The following NKAIN3 variants were observed in gnomAD, a reference collection of about 807,000 sequenced individuals.
NKAIN3 encodes sodium/potassium transporting ATPase interacting 3, also known as sodium/potassium-transporting ATPase subunit beta-1-interacting protein 3.
NKAIN3 carries 25 observed loss-of-function variants against 30.2 expected under a neutral mutation model. The observed-to-expected ratio is 0.83, with a 90% CI of 0.60 to 1.16. The LOEUF (loss-of-function observed/expected upper bound fraction) is 1.16, where lower values mean the gene tolerates loss of function less well. NKAIN3 is among the 50% of genes most tolerant of loss of function. NKAIN3 has a pLI of 0.00. For synonymous variants in NKAIN3, 91 were observed against 89.6 expected, an observed-to-expected ratio of 1.02 and a Z score of -0.09; for missense variants, 225 against 254.1, an observed-to-expected ratio of 0.89 and a Z score of 0.78.
intron 4 of NKAIN3, among the ~76,000 whole-genome samples, chr8:62,770,871 G>A (rs78305563): frequency 0.031 from 4,703 of 152,028 alleles, 100 homozygotes; most frequent in Non-Finnish European, 0.05. Flanking sequence ...CAAAGCAAAC[G>A]AGTAACAACT....
chr8:62,899,640 G>T (rs1821540235), intron 4 of NKAIN3, among the ~76,000 whole-genome samples: 1 of 152,112 alleles, frequency 6.6e-6, no homozygotes, highest in African/African-American at 2.4e-5. Context: ...TATAAAAAAA[G>T]AAGTTACAAA....
chr8:62,858,298 CTT>C lies in NKAIN3; in HGVS notation c.472-60153_472-60152del, dbSNP rs546041684. Reference sequence around the variant, plus strand: ...TGCAGTTGTAAGAGGTACCTGAAGACTTTGTTTGGGAGGTCTCACCCAGTCAG... The same window carrying C: ...TGCAGTTGTAAGAGGTACCTGAAGACTGTTTGGGAGGTCTCACCCAGTCAG... On this transcript the variant is annotated intron_variant, in intron 4 of 6. Transcript: ENST00000623646. Among the ~76,000 whole-genome samples, 19 of 152,222 alleles carry C rather than the reference CTT, an allele frequency of 1.2e-4. No individual in the cohort carries two copies. The East Asian group carries it at 2.9e-3, about 23-fold the overall frequency.
At chr8:62,937,450 T>C (rs1822820015) in intron 5 of NKAIN3, among the ~76,000 whole-genome samples, 1 of 152,078 alleles carries the variant, frequency 6.6e-6, no homozygotes, top group Non-Finnish European at 1.5e-5. Context: ...TAACCTTACC[T>C]AGAGCTGAAA....
intron 5 of NKAIN3, among the ~76,000 whole-genome samples, chr8:62,947,489 G>A (rs1171827982): frequency 6.6e-6 from 1 of 152,200 alleles, no homozygotes; most frequent in Non-Finnish European, 1.5e-5. Context: ...GTTAGCCATT[G>A]TAGAAGAATT....
intron 1 of NKAIN3, among the ~76,000 whole-genome samples, chr8:62,352,136 C>A (rs1364631666): frequency 1.3e-5 from 2 of 152,104 alleles, no homozygotes; most frequent in African/African-American, 4.8e-5. Flanking sequence ...ATGTTATTAG[C>A]CCAAATTAGA....
chr8:62,453,346 A>G (rs774013706), intron 1 of NKAIN3, among the ~76,000 whole-genome samples: 46 of 152,310 alleles, frequency 3.0e-4, no homozygotes, highest in Admixed American at 5.2e-4. Context: ...TGAGAAAAAG[A>G]TACAACATAT....
intron 1 of NKAIN3, among the ~76,000 whole-genome samples, chr8:62,578,509 C>T (rs988439680): frequency 4.6e-5 from 7 of 151,920 alleles, no homozygotes; most frequent in African/African-American, 1.7e-4. Context: ...GTCTTGAGCC[C>T]AGAGTAAGTA....
chr8:62,731,109 G>T (rs140072098), intron 3 of NKAIN3, among the ~76,000 whole-genome samples: 1 of 152,064 alleles, frequency 6.6e-6, no homozygotes, highest in Admixed American at 6.6e-5. Context: ...CCTAGATTGG[G>T]CATTTCTCCA....
intron 4 of NKAIN3, among the ~76,000 whole-genome samples, chr8:62,844,381 A>T (rs1490218367): frequency 6.6e-6 from 1 of 152,118 alleles, no homozygotes; most frequent in Non-Finnish European, 1.5e-5. Flanking sequence ...GTCCAACCAA[A>T]AAGGACAATT....
intron 3 of NKAIN3, among the ~76,000 whole-genome samples, chr8:62,674,386 A>G (rs937944603): frequency 1.3e-5 from 2 of 152,062 alleles, no homozygotes; most frequent in Non-Finnish European, 2.9e-5. Context: ...GATCAATGCT[A>G]TTTTTGCAAA....
intron 4 of NKAIN3, among the ~76,000 whole-genome samples, chr8:62,789,760 A>G (rs1242591635): frequency 6.6e-6 from 1 of 152,180 alleles, no homozygotes; most frequent in African/African-American, 2.4e-5. Flanking sequence ...AGACTAAACC[A>G]GGAAGAAGTT....
chr8:62,547,726 C>G (rs187948966), intron 1 of NKAIN3, among the ~76,000 whole-genome samples: 1 of 152,286 alleles, frequency 6.6e-6, no homozygotes, highest in Non-Finnish European at 1.5e-5. Context: ...GTGTTGGGGT[C>G]AGCTGTTACT....
chr8:62,444,653 T>A (rs955051067), intron 1 of NKAIN3, among the ~76,000 whole-genome samples: 1 of 152,220 alleles, frequency 6.6e-6, no homozygotes, highest in African/African-American at 2.4e-5. Context: ...TTGGCTATTG[T>A]AAATAGTGCC....
Position 62,966,221 on chromosome 8 carries a change from G to A in NKAIN3, c.*814G>A. ...GGACAGAAATCACAAACATAGACCT[G>A]CAGTCAGGAACTTTTCTCTTAGGAT... On this transcript the variant is annotated 3_prime_UTR_variant, in exon 7 of 7. Coordinates refer to ENST00000623646, the MANE Select transcript of NKAIN3 (RefSeq NM_001304533.3). 1 of 984,968 alleles carries A rather than the reference G, an allele frequency of 1.0e-6. No homozygotes were observed. Among genetic ancestry groups the A allele is most frequent in the East Asian group, 1.1e-4 (1 of 8,792 alleles). The allele number at this position is 984,968 out of a possible 1,614,324, so 61.0% of individuals were successfully genotyped here. A position where few individuals can be genotyped will look rare whatever the true frequency, so the allele number is the denominator to read the frequency against.
Position 62,977,666 on chromosome 8 carries a change from C to T in NKAIN3, c.*12259C>T, listed in dbSNP as rs773353408. ...GTATTGGGTTACTATATGTTCCATT[C>T]GCTCTGAGGAGTTCGTTATTACCCA... is the stretch of plus-strand genomic sequence containing the variant. On this transcript the variant is annotated 3_prime_UTR_variant, in exon 7 of 7. Coordinates refer to ENST00000623646, the MANE Select transcript of NKAIN3 (RefSeq NM_001304533.3). Among the ~76,000 whole-genome samples, 1 of 152,008 alleles carries T rather than the reference C, an allele frequency of 6.6e-6. No homozygotes were observed. Among genetic ancestry groups the T allele is most frequent in the African/African-American group, 2.4e-5 (1 of 41,396 alleles).
At chr8:62,991,241 G>A (rs1169328653) in intron 5 of NKAIN3, among the ~76,000 whole-genome samples, 2 of 152,110 alleles carry the variant, frequency 1.3e-5, no homozygotes, top group African/African-American at 4.8e-5. Context: ...AAGAAGTTGA[G>A]GTTTTATTCA....
At chr8:62,630,693 T>C (rs1216530147) in intron 3 of NKAIN3, among the ~76,000 whole-genome samples, 1 of 152,122 alleles carries the variant, frequency 6.6e-6, no homozygotes, top group African/African-American at 2.4e-5. Context: ...CAAACATTGC[T>C]TGTTATTTCA....
chr8:62,812,754 C>A (rs537452692), intron 4 of NKAIN3, among the ~76,000 whole-genome samples: 1 of 151,918 alleles, frequency 6.6e-6, no homozygotes, highest in Non-Finnish European at 1.5e-5. Flanking sequence ...TTAATGAAGA[C>A]TAAATTTATT....
chr8:62,480,806 C>T (rs879752907), intron 1 of NKAIN3, among the ~76,000 whole-genome samples: 3 of 152,028 alleles, frequency 2.0e-5, no homozygotes, highest in African/African-American at 4.8e-5. Context: ...GTAGGTCCCA[C>T]GTGGGACCTG....
Sources: allele counts gnomAD v4.1 joint callset (sites outside exome capture counted in the v4.1 genomes callset), GRCh38; gene constraint gnomAD v4.1.1; transcripts MANE v1.5; gene names NCBI Gene and HGNC (gene_info 2026-07-23, HGNC 2026-07-21).